AATF: variants seen among roughly 807,000 people sequenced by gnomAD.
AATF encodes protein AATF.
AATF carries 48 observed loss-of-function variants against 63.7 expected under a neutral mutation model. The observed-to-expected ratio is 0.75, with a 90% CI of 0.60 to 0.96. The LOEUF is 0.96. Ranked by LOEUF, AATF falls within the 40% of genes least tolerant of loss-of-function variation. The probability of loss-of-function intolerance (pLI) is 0.00; values close to 1 mark genes in which losing one functional copy is unlikely to be tolerated. For missense variants in AATF, 639 were observed against 685.7 expected, an observed-to-expected ratio of 0.93 and a Z score of 0.76; for synonymous variants, 258 against 247.7, an observed-to-expected ratio of 1.04 and a Z score of -0.39.
chr17:37,030,132 A>G (rs2071541871), intron 10 of AATF, among the ~76,000 whole-genome samples: 2 of 150,856 alleles, frequency 1.3e-5, no homozygotes, highest in Non-Finnish European at 3.0e-5. Context: ...GCTAGTTTTG[A>G]ACTCCTAGTC....
chr17:37,056,287 T>C (rs2071797293), intron 11 of AATF: 1 of 285,648 alleles, frequency 3.5e-6, no homozygotes, highest in Admixed American at 4.8e-5. Context: ...CGGATGGCGG[T>C]CTCCTACATC....
chr17:36,995,757 G>A (rs986446224), intron 8 of AATF, among the ~76,000 whole-genome samples: 2 of 151,526 alleles, frequency 1.3e-5, no homozygotes, highest in Non-Finnish European at 2.9e-5. Flanking sequence ...TTGTAGAGAC[G>A]GGGTTTTGCT....
At chr17:36,964,047 AAG>A (rs2070971037) in intron 4 of AATF, among the ~76,000 whole-genome samples, 1 of 152,104 alleles carries the variant, frequency 6.6e-6, no homozygotes, top group Non-Finnish European at 1.5e-5. Flanking sequence ...GAAACAAAAA[AAG>A]AGAATGGGGA....
Position 37,019,031 on chromosome 17 carries a change from G to C in AATF, c.1425G>C (p.Lys475Asn). The C allele has an allele frequency of 6.2e-7, 1 of 1,614,178 alleles. No homozygotes were observed. Among genetic ancestry groups the C allele is most frequent in the Non-Finnish European group, 8.5e-7 (1 of 1,180,004 alleles). Reference protein sequence around the residue: ...HQLLRELIERKTSSLDPNDQV... With the variant: ...HQLLRELIERNTSSLDPNDQV... ...TCCTTCGAGAACTCATAGAACGGAA[G>C]ACCAGCTCCTTGGATCCCAACGATC... Residue 475 changes from lysine (K) to asparagine (N), a missense_variant, in exon 9 of 12, where the codon AAG becomes AAC. Lys to Asn is a moderately conservative substitution (Grantham distance 94). Transcript: ENST00000619387.
At chr17:37,025,440 C>T (rs1166121614) in intron 10 of AATF, among the ~76,000 whole-genome samples, 76 of 152,034 alleles carry the variant, frequency 5.0e-4, no homozygotes, top group Admixed American at 5.0e-3. Context: ...TGTCAACATA[C>T]GTGAGCTAGA....
intron 7 of AATF, among the ~76,000 whole-genome samples, chr17:36,989,866 T>G (rs1055673793): frequency 6.6e-6 from 1 of 152,162 alleles, no homozygotes; most frequent in African/African-American, 2.4e-5. Flanking sequence ...CTTAATCCTT[T>G]TTTAGTTTAT....
intron 4 of AATF, among the ~76,000 whole-genome samples, chr17:36,958,510 T>C (rs11871752): frequency 0.038 from 5,780 of 152,232 alleles, 365 homozygotes; most frequent in African/African-American, 0.13. Context: ...ACATCTTTTA[T>C]GTTGGTGGCA....
At chr17:37,006,554 T>G (rs1345837323) in intron 8 of AATF, among the ~76,000 whole-genome samples, 1 of 152,226 alleles carries the variant, frequency 6.6e-6, no homozygotes, top group South Asian at 2.1e-4. Flanking sequence ...AATTGGCAAG[T>G]TTTTTAGCAT....
intron 8 of AATF, among the ~76,000 whole-genome samples, chr17:37,000,913 C>G (rs1274542438): frequency 6.6e-6 from 1 of 152,074 alleles, no homozygotes; most frequent in Non-Finnish European, 1.5e-5. Flanking sequence ...GATCATACCA[C>G]CGCACTCCAG....
Position 37,047,891 on chromosome 17 carries a change from C to G in AATF, c.1620-8710C>G, listed in dbSNP as rs79006975. 1.2e-3 allele frequency among the ~76,000 whole-genome samples: 180 copies of G among 152,284 alleles called. 2 individuals are homozygous for G. The East Asian group carries it at 0.03, about 25-fold the overall frequency. The stretch of plus-strand genomic sequence containing the variant: ...TGTTTTGGAACCTTGTGAAGAGTTT[C>G]AGCTAGTGTCGGATTGGACATGATT... On this transcript the variant is annotated intron_variant, in intron 11 of 11. Transcript: ENST00000619387.
At chr17:37,024,577 G>A (rs936608699) in intron 10 of AATF, among the ~76,000 whole-genome samples, 5 of 152,146 alleles carry the variant, frequency 3.3e-5, no homozygotes, top group Admixed American at 3.3e-4. Flanking sequence ...TCATGACCAC[G>A]TTAAGAATTT....
In AATF at chr17:36,988,880, G is replaced by A. The variant is rs1164821522; in HGVS notation, c.1149+160G>A. ...AATCTACTGAACTTCTGGCACTGGG[G>A]TTTATACGATTCAGACTTGGGATTT... On this transcript the variant is annotated intron_variant, in intron 6 of 11. Coordinates refer to ENST00000619387, the MANE Select transcript of AATF (RefSeq NM_012138.4). Among the ~76,000 whole-genome samples the A allele has an allele frequency of 3.3e-5, 5 of 152,286 alleles. No homozygotes were observed. The East Asian group carries it at 7.7e-4, about 23-fold the overall frequency.
chr17:37,039,315 A>G (rs1347734317), intron 11 of AATF, among the ~76,000 whole-genome samples: 1 of 152,208 alleles, frequency 6.6e-6, no homozygotes, highest in African/African-American at 2.4e-5. Flanking sequence ...GACACAGGTT[A>G]TTCTGACAGG....
chr17:36,984,596 G>A (rs959225519), intron 4 of AATF, among the ~76,000 whole-genome samples: 2 of 152,154 alleles, frequency 1.3e-5, no homozygotes, highest in Admixed American at 6.5e-5. Flanking sequence ...TATTCTAATA[G>A]AGAAGGTAAG....
At chr17:36,975,048 T>C (rs113935006) in intron 4 of AATF, among the ~76,000 whole-genome samples, 5 of 152,332 alleles carry the variant, frequency 3.3e-5, no homozygotes, top group African/African-American at 1.2e-4. Context: ...TGTTTCTTCC[T>C]GCCCAACAAT....
intron 11 of AATF, among the ~76,000 whole-genome samples, chr17:37,049,841 T>A (rs1013547225): frequency 1.3e-5 from 2 of 152,030 alleles, no homozygotes; most frequent in South Asian, 4.1e-4. Context: ...GGCATACTGA[T>A]AGATAGAACA....
chr17:36,963,787 G>C (rs1023381555), intron 4 of AATF, among the ~76,000 whole-genome samples: 2 of 152,202 alleles, frequency 1.3e-5, no homozygotes, highest in African/African-American at 4.8e-5. Flanking sequence ...GATGGGGATT[G>C]AGAACTGACT....
chr17:37,022,790 C>T (rs533679678), intron 10 of AATF, among the ~76,000 whole-genome samples: 1 of 152,230 alleles, frequency 6.6e-6, no homozygotes, highest in East Asian at 1.9e-4. Flanking sequence ...GTGCCAGGTA[C>T]ATAGTTAAGC....
In AATF at chr17:36,989,195, G is replaced by A. The variant is rs1434513176; in HGVS notation, c.1150-52G>A. 4 of 1,548,906 alleles carry A rather than the reference G, an allele frequency of 2.6e-6. No homozygotes were observed. The Admixed American group carries it at 7.2e-5, about 28-fold the overall frequency. Reference sequence around the variant, plus strand: ...AAAGATAGAGAAACCAATGTAGCTTGCCTTCAGCACTGATTTTCTGCATTA... The same window carrying A: ...AAAGATAGAGAAACCAATGTAGCTTACCTTCAGCACTGATTTTCTGCATTA... On this transcript the variant is annotated intron_variant, in intron 6 of 11. Coordinates refer to ENST00000619387, the MANE Select transcript of AATF (RefSeq NM_012138.4).
Sources: allele counts gnomAD v4.1 joint callset (sites outside exome capture counted in the v4.1 genomes callset), GRCh38; gene constraint gnomAD v4.1.1; transcripts MANE v1.5; gene names NCBI Gene and HGNC (gene_info 2026-07-23, HGNC 2026-07-21).